Variants in DMD observed in about 807,000 individuals in gnomAD.
DMD encodes the protein dystrophin.
In DMD, 63 loss-of-function variants were observed where a neutral mutation model predicts 330.1. That is an observed-to-expected ratio of 0.19 (90% CI 0.16 to 0.24). The LOEUF (loss-of-function observed/expected upper bound fraction) is 0.24. Ranked by LOEUF, DMD falls within the 10% of genes least tolerant of loss-of-function variation. The pLI is 1.00. For missense variants in DMD, 3,344 were observed against 2,684.1 expected, an observed-to-expected ratio of 1.25 and a Z score of -5.43; for synonymous variants, 1,223 against 959.8, an observed-to-expected ratio of 1.27 and a Z score of -5.07.
Position 31,233,910 on chromosome X carries a change from C to T in DMD, c.9287-10789G>A, listed in dbSNP as rs957680097. 1.6e-4 allele frequency among the ~76,000 whole-genome samples: 18 copies of T among 111,630 alleles called. 1 individual carries two copies. Among genetic ancestry groups the T allele is most frequent in the Admixed American group, 7.6e-4 (8 of 10,493 alleles). Reference sequence around the variant, plus strand: ...TTTTTGTGTGTGTGTGTGTTTGATTCGTTGGTCAGTTTGGGCTCACATAAT... The same window carrying T: ...TTTTTGTGTGTGTGTGTGTTTGATTTGTTGGTCAGTTTGGGCTCACATAAT... On this transcript the variant is annotated intron_variant, in intron 63 of 78. Transcript: ENST00000357033.
At chrX:31,329,710 C>G (rs377694239) in intron 61 of DMD, among the ~76,000 whole-genome samples, 1 of 110,368 alleles carries the variant, frequency 9.1e-6, no homozygotes, top group Non-Finnish European at 1.9e-5. Context: ...CGGTGGCTCA[C>G]CCCTGTAATC....
chrX:32,440,716 A>G (rs939057526), intron 28 of DMD, among the ~76,000 whole-genome samples: 3 of 111,938 alleles, frequency 2.7e-5, no homozygotes, highest in African/African-American at 9.7e-5. Context: ...TATATTTCCA[A>G]TATTAAAGCA....
chrX:32,862,153 G>A (rs752530660), intron 2 of DMD, among the ~76,000 whole-genome samples: 1 of 111,923 alleles, frequency 8.9e-6, no homozygotes, highest in African/African-American at 3.2e-5. Context: ...ACGAAAATCT[G>A]GCTATGAAGA....
chrX:32,145,295 C>CA (rs1379046889), intron 44 of DMD, among the ~76,000 whole-genome samples: 1 of 112,108 alleles, frequency 8.9e-6, no homozygotes, highest in Non-Finnish European at 1.9e-5. Context: ...ATAGATAAGG[C>CA]ATATACACAC....
chrX:31,571,254 G>GGTGTGT (rs371098859), intron 55 of DMD, among the ~76,000 whole-genome samples: 3,050 of 90,376 alleles, frequency 0.034, 85 homozygotes, highest in East Asian at 0.12. Context: ...GATTTAAAGG[G>GGTGTGT]GTGTGTGTGT....
At position 31,875,247 on chromosome X, in the gene DMD, T is replaced by C; in HGVS notation, c.7039A>G (p.Ile2347Val). The C allele has an allele frequency of 2.5e-6, 3 of 1,208,632 alleles. No individual in the cohort carries two copies. Among genetic ancestry groups the C allele is most frequent in the Non-Finnish European group, 3.4e-6 (3 of 893,794 alleles). ...LNHLLLWLSP[I>V]RNQLEIYNQP... ...TTATAAATTTCCAACTGATTCCTAA[T>C]AGGAGATAACCACAGCAGCAGATGA... Residue 2347 changes from isoleucine to valine, a missense_variant, in exon 48 of 79, where the codon ATT becomes GTT. Physicochemically the swap from Ile to Val is conservative, Grantham distance 29. Coordinates refer to ENST00000357033, the MANE Select transcript of DMD (RefSeq NM_004006.3).
intron 2 of DMD, among the ~76,000 whole-genome samples, chrX:32,886,037 G>C (rs1193835498): frequency 9.0e-6 from 1 of 110,580 alleles, no homozygotes; most frequent in East Asian, 2.9e-4. Context: ...AGGTACCAAT[G>C]ACTGTATAAC....
At chrX:33,171,487 T>A (rs913815106) in intron 1 of DMD, among the ~76,000 whole-genome samples, 1 of 111,512 alleles carries the variant, frequency 9.0e-6, no homozygotes, top group African/African-American at 3.2e-5. Context: ...CTATTTCTTT[T>A]ACAGTTTTTT....
intron 55 of DMD, among the ~76,000 whole-genome samples, chrX:31,603,383 CAAAA>C (rs1355399604): frequency 1.9e-4 from 21 of 110,465 alleles, no homozygotes; most frequent in Non-Finnish European, 3.8e-5. Flanking sequence ...GTCTATCAAG[CAAAA>C]GAAAAAAAAC....
At chrX:32,633,507 T>A (rs1397045624) in intron 11 of DMD, among the ~76,000 whole-genome samples, 1 of 112,004 alleles carries the variant, frequency 8.9e-6, no homozygotes, top group Non-Finnish European at 1.9e-5. Flanking sequence ...TCCAAACTCA[T>A]CCAACTTCTG....
chrX:32,551,016 G>A (rs927628516), intron 16 of DMD, among the ~76,000 whole-genome samples: 2 of 110,682 alleles, frequency 1.8e-5, no homozygotes, highest in African/African-American at 6.6e-5. Context: ...ACCAGAAAAA[G>A]CCCAGGACCA....
At chrX:32,730,857 G>A (rs748355309) in intron 7 of DMD, among the ~76,000 whole-genome samples, 1 of 112,077 alleles carries the variant, frequency 8.9e-6, no homozygotes, top group South Asian at 3.7e-4. Context: ...CTACCAGTGG[G>A]AAAATTAAAA....
intron 51 of DMD, among the ~76,000 whole-genome samples, chrX:31,734,360 T>C (rs772417721): frequency 1.8e-5 from 2 of 111,221 alleles, no homozygotes; most frequent in South Asian, 7.6e-4. Context: ...TCAGGAAATT[T>C]AGCGTGGCTT....
chrX:32,408,610 C>A (rs1050427056), intron 30 of DMD, among the ~76,000 whole-genome samples: 10 of 111,480 alleles, frequency 9.0e-5, no homozygotes, highest in African/African-American at 3.3e-4. Flanking sequence ...CACAAATCTG[C>A]GTGACCAGTA....
At chrX:32,139,615 G>A (rs192615496) in intron 44 of DMD, among the ~76,000 whole-genome samples, 6 of 112,101 alleles carry the variant, frequency 5.4e-5, no homozygotes, top group African/African-American at 1.9e-4. Flanking sequence ...GCAAAAACAG[G>A]TGAAATCCAA....
chrX:31,212,156 A>G (rs1388023596), intron 64 of DMD, among the ~76,000 whole-genome samples: 13 of 76,978 alleles, frequency 1.7e-4, no homozygotes, highest in Admixed American at 2.9e-4. Flanking sequence ...TTATATATAT[A>G]TATATATATA....
rs2097921329 is a variant in DMD at position 32,380,721 on chromosome X, T to C, written c.4675-41A>G. ...ATGAAATGTAATTTAGTTTACTCTTTAATTCAAATTTCGTTATAACCACTT... is the reference window on the plus strand; with the variant it reads ...ATGAAATGTAATTTAGTTTACTCTTCAATTCAAATTTCGTTATAACCACTT... On this transcript the variant is annotated intron_variant, in intron 33 of 78. Transcript: ENST00000357033. 10 of 1,137,478 alleles carry C rather than the reference T, an allele frequency of 8.8e-6. No individual in the cohort carries two copies. In the South Asian group the frequency reaches 9.3e-5, roughly 11 times the overall value. The allele number at this position is 1,137,478 out of a possible 1,213,427, so 93.7% of individuals were successfully genotyped here. A position where few individuals can be genotyped will look rare whatever the true frequency, so the allele number is the denominator to read the frequency against.
At chrX:31,386,212 A>T (rs1227125388) in intron 60 of DMD, among the ~76,000 whole-genome samples, 15 of 111,063 alleles carry the variant, frequency 1.4e-4, no homozygotes, top group African/African-American at 4.9e-4. Flanking sequence ...AACATCACAC[A>T]CCAGGGACTG....
intron 45 of DMD, among the ~76,000 whole-genome samples, chrX:31,944,202 G>A (rs1191793556): frequency 1.9e-5 from 2 of 105,642 alleles, no homozygotes; most frequent in Non-Finnish European, 3.8e-5. Context: ...ATACTAAGAT[G>A]TTATTTGACT....
Sources: allele counts gnomAD v4.1 joint callset (sites outside exome capture counted in the v4.1 genomes callset), GRCh38; gene constraint gnomAD v4.1.1; transcripts MANE v1.5; gene names NCBI Gene and HGNC (gene_info 2026-07-23, HGNC 2026-07-21).